Variants in SORCS1 observed in about 807,000 individuals in gnomAD.
SORCS1 encodes VPS10 domain-containing receptor SorCS1.
Under a neutral mutation model 146.1 loss-of-function variants are expected in SORCS1, and 60 were observed. The observed-to-expected ratio is 0.41, with a 90% CI of 0.33 to 0.51. The LOEUF (loss-of-function observed/expected upper bound fraction) is 0.51. Among genes scored for constraint, SORCS1 ranks in the 20% least tolerant of loss-of-function variants. The pLI is 0.21. For missense variants in SORCS1, 1,352 were observed against 1,487.6 expected (o/e 0.91, Z 1.50); for synonymous variants, 637 against 584.0 (o/e 1.09, Z -1.31).
chr10:106,941,690 C>A (rs1056658339), intron 2 of SORCS1, among the ~76,000 whole-genome samples: 1 of 152,160 alleles, frequency 6.6e-6, no homozygotes, highest in Non-Finnish European at 1.5e-5. Flanking sequence ...TCCAGAAAAC[C>A]AAACTCTAAA....
At chr10:107,176,452 C>T in the SORCS1 span, among the ~76,000 whole-genome samples, 4 of 151,904 alleles carry the variant, frequency 2.6e-5, no homozygotes, top group Non-Finnish European at 4.4e-5. Context: ...CATCCCACCT[C>T]AGCCTCCTGA....
chr10:107,168,059 C>A (rs1337543326), upstream of SORCS1, among the ~76,000 whole-genome samples: 1 of 152,188 alleles, frequency 6.6e-6, no homozygotes, highest in African/African-American at 2.4e-5. Context: ...CTTACCATGG[C>A]TGACCAAGTA....
chr10:106,667,667 G>A, intron 17 of SORCS1, 22 bp downstream of exon 17: 2 of 1,584,966 alleles, frequency 1.3e-6, no homozygotes, highest in Admixed American at 3.3e-5. Context: ...GGCCTCTCAA[G>A]GTCACTACTC....
intron 2 of SORCS1, among the ~76,000 whole-genome samples, chr10:106,913,664 T>G (rs546910436): frequency 6.6e-6 from 1 of 152,250 alleles, no homozygotes; most frequent in South Asian, 2.1e-4. Flanking sequence ...GCTGAGCTTT[T>G]CAGTAGAACT....
intron 6 of SORCS1, among the ~76,000 whole-genome samples, chr10:106,719,174 G>A (rs1374973698): frequency 1.3e-5 from 2 of 152,134 alleles, no homozygotes; most frequent in African/African-American, 2.4e-5. Context: ...AAAGAAGAAA[G>A]CAAGCAAGAA....
chr10:106,674,458 A>G (rs1389907903), intron 14 of SORCS1, among the ~76,000 whole-genome samples: 1 of 150,370 alleles, frequency 6.7e-6, no homozygotes, highest in Non-Finnish European at 1.5e-5. Context: ...TTCCCTTTCT[A>G]CTTTCCATGT....
chr10:107,156,501 GACTT>G (rs1197773310), intron 1 of SORCS1, among the ~76,000 whole-genome samples: 1 of 152,184 alleles, frequency 6.6e-6, no homozygotes, highest in Non-Finnish European at 1.5e-5. Context: ...TGTTAAAGGA[GACTT>G]CTGATATAAT....
chr10:107,172,820 G>A, the SORCS1 span, among the ~76,000 whole-genome samples: 3 of 152,116 alleles, frequency 2.0e-5, no homozygotes, highest in East Asian at 1.9e-4. Context: ...GGCAATTTAA[G>A]GCAAAACATC....
At chr10:106,746,421 A>G (rs1857749322) in intron 5 of SORCS1, among the ~76,000 whole-genome samples, 1 of 152,230 alleles carries the variant, frequency 6.6e-6, no homozygotes, top group South Asian at 2.1e-4. Flanking sequence ...ATTAGAGCAA[A>G]GCCACAATTT....
chr10:106,984,689 G>C (rs1019052829), intron 1 of SORCS1, among the ~76,000 whole-genome samples: 1 of 151,760 alleles, frequency 6.6e-6, no homozygotes, highest in Admixed American at 6.6e-5. Context: ...CACTGCACCT[G>C]GCCTACCATT....
intron 1 of SORCS1, among the ~76,000 whole-genome samples, chr10:107,050,839 A>G (rs916280996): frequency 6.6e-6 from 1 of 152,142 alleles, no homozygotes; most frequent in African/African-American, 2.4e-5. Context: ...GAGTGGGCTG[A>G]ATTTTCCCAT....
At chr10:107,034,012 A>G (rs1276311801) in intron 1 of SORCS1, among the ~76,000 whole-genome samples, 1 of 152,184 alleles carries the variant, frequency 6.6e-6, no homozygotes, top group Non-Finnish European at 1.5e-5. Context: ...CTAATCCCCT[A>G]GTTCGTTGGT....
At chr10:106,934,200 G>A (rs1028982874) in intron 2 of SORCS1, among the ~76,000 whole-genome samples, 1 of 151,924 alleles carries the variant, frequency 6.6e-6, no homozygotes, top group Non-Finnish European at 1.5e-5. Context: ...CTGCTTATGG[G>A]AATGTAAATT....
chr10:106,776,794 CA>C, intron 3 of SORCS1, 102 bp from the exon 4 acceptor site: 3 of 1,312,244 alleles, frequency 2.3e-6, no homozygotes, highest in Non-Finnish European at 3.1e-6. Context: ...AGGACAGGGG[CA>C]GGCAAAGAAT....
At chr10:106,970,067 G>A (rs1485459477) in intron 1 of SORCS1, 4 of 152,390 alleles carry the variant, frequency 2.6e-5, no homozygotes, top group South Asian at 2.1e-4. Context: ...GTCTGATCTC[G>A]GAAGCTAAGC....
intron 2 of SORCS1, among the ~76,000 whole-genome samples, chr10:106,946,746 C>T (rs1422036460): frequency 1.3e-5 from 2 of 152,202 alleles, no homozygotes; most frequent in African/African-American, 4.8e-5. Context: ...GCATTTAGCA[C>T]ACTTCTGTAA....
intron 1 of SORCS1, among the ~76,000 whole-genome samples, chr10:107,152,571 T>C (rs553986702): frequency 6.6e-6 from 1 of 152,276 alleles, no homozygotes; most frequent in African/African-American, 2.4e-5. Context: ...GTTCTCATAA[T>C]AGTGAGTGAG....
In SORCS1 at chr10:106,840,999, G is replaced by A. The variant is rs374981975; in HGVS notation, c.627-11326C>T. On this transcript the variant is annotated intron_variant, in intron 2 of 25. Transcript: ENST00000263054. ...GCCTCCCGAGTAGCTGGGACTACAGGTGCACGCCACCATACCCCGCTAATT... is the reference window on the plus strand; with the variant it reads ...GCCTCCCGAGTAGCTGGGACTACAGATGCACGCCACCATACCCCGCTAATT... Among the ~76,000 whole-genome samples the A allele has an allele frequency of 1.8e-4, 27 of 151,298 alleles. No homozygotes were observed. In the East Asian group the frequency reaches 4.7e-3, roughly 27 times the overall value.
chr10:106,940,563 T>C (rs1258922457), intron 2 of SORCS1, among the ~76,000 whole-genome samples: 1 of 152,200 alleles, frequency 6.6e-6, no homozygotes, highest in Non-Finnish European at 1.5e-5. Context: ...GGCTTCTTTT[T>C]AAGAAGCCAT....
Sources: gnomAD v4.1 joint callset for allele counts (sites outside exome capture counted in the v4.1 genomes callset) on GRCh38, gnomAD v4.1.1 for gene constraint, MANE v1.5 for transcripts, NCBI Gene and HGNC (gene_info 2026-07-23, HGNC 2026-07-21) for gene names.